Variants in EPHB6 observed in about 807,000 individuals in gnomAD.
EPHB6 encodes the protein ephrin type-B receptor 6.
In EPHB6, 51 loss-of-function variants were observed where a neutral mutation model predicts 107.0. The observed-to-expected ratio is 0.48, with a 90% confidence interval of 0.38 to 0.60. The LOEUF (loss-of-function observed/expected upper bound fraction) is 0.60. Among genes scored for constraint, EPHB6 ranks in the 20% least tolerant of loss-of-function variants. The pLI, the probability that EPHB6 is intolerant of heterozygous loss-of-function variation, is 0.00. For synonymous variants in EPHB6, 553 were observed against 549.0 expected (o/e 1.01, Z -0.10); for missense variants, 1,141 against 1,355.5 (o/e 0.84, Z 2.48).
chr7:142,866,427 G>A lies in EPHB6; in HGVS notation c.1463-54G>A, dbSNP rs1307440364. Reference sequence around the variant, plus strand: ...CCCCTGCCGCCCTCCCCTCAAGGCTGATCCTGCTCCCAGGGACTCCTATCC... The same window carrying A: ...CCCCTGCCGCCCTCCCCTCAAGGCTAATCCTGCTCCCAGGGACTCCTATCC... On this transcript the variant is annotated intron_variant, in intron 9 of 19. Coordinates refer to ENST00000652003, the MANE Select transcript of EPHB6 (RefSeq NM_004445.6). The surrounding 1 kb of genome is among the most constrained non-coding windows in gnomAD (Gnocchi z 5.2). The A allele has an allele frequency of 1.2e-6, 2 of 1,613,088 alleles. No homozygotes were observed. The highest frequency in any genetic ancestry group is 2.2e-5 in the East Asian group (1 of 44,886).
chr7:142,868,901 T>C lies in EPHB6; in HGVS notation c.2287-73T>C. ...ACACCCTCCCGCTCTCATGCTGTTG[T>C]CTGCTATGCAGTATGTTGAGGTCTC... On this transcript the variant is annotated intron_variant, in intron 15 of 19. Transcript: ENST00000652003. The surrounding 1 kb of genome is among the most constrained non-coding windows in gnomAD (Gnocchi z 4.2). The C allele has an allele frequency of 6.3e-7, 1 of 1,577,876 alleles. No individual in the cohort carries two copies. The highest frequency in any genetic ancestry group is 8.6e-7 in the Non-Finnish European group (1 of 1,166,632).
Position 142,870,995 on chromosome 7 carries a change from T to A in EPHB6, c.*91T>A. On this transcript the variant is annotated 3_prime_UTR_variant, in exon 20 of 20. Coordinates refer to ENST00000652003, the MANE Select transcript of EPHB6 (RefSeq NM_004445.6). ...GGGCTCCAACAGCCTCTGTGAGAGA[T>A]GCCCCACACCAAACCCAACCCTCCC... is the stretch of plus-strand genomic sequence containing the variant. 1 of 1,254,638 alleles carries A rather than the reference T, an allele frequency of 8.0e-7. No individual in the cohort carries two copies. Among genetic ancestry groups the A allele is most frequent in the Non-Finnish European group, 1.1e-6 (1 of 894,550 alleles). The allele number at this position is 1,254,638 out of a possible 1,614,324, so 77.7% of individuals were successfully genotyped here.
In EPHB6 at chr7:142,869,264, C is replaced by A; in HGVS notation, c.2460+117C>A. On this transcript the variant is annotated intron_variant, in intron 16 of 19. Coordinates refer to ENST00000652003, the MANE Select transcript of EPHB6 (RefSeq NM_004445.6). The surrounding 1 kb of genome is among the most constrained non-coding windows in gnomAD (Gnocchi z 4.5). ...TACCTCAGCCGGGGTGTCATAGTCC[C>A]TGAAAGGAGGGAGGCTCTCCTGTGT... is the stretch of plus-strand genomic sequence containing the variant. The A allele has an allele frequency of 8.3e-7, 1 of 1,206,792 alleles. No individual in the cohort carries two copies. The highest frequency in any genetic ancestry group is 1.2e-6 in the Non-Finnish European group (1 of 847,702). 74.8% of individuals were successfully genotyped at this position (1,206,792 alleles called of 1,614,324 possible).
chr7:142,859,117 G>C (rs1251523219), intron 1 of EPHB6, among the ~76,000 whole-genome samples: 1 of 145,338 alleles, frequency 6.9e-6, no homozygotes, highest in African/African-American at 2.5e-5. Flanking sequence ...GCACATTCTT[G>C]TGTTAGAGAA....
Position 142,870,956 on chromosome 7 carries a change from G to T in EPHB6, c.*52G>T. ...TGGACACTGGTCCGAGAAGGGACAT[G>T]TGGGACGTGAGCCGGGCTCCAACAG... is the stretch of plus-strand genomic sequence containing the variant. On this transcript the variant is annotated 3_prime_UTR_variant, in exon 20 of 20. Transcript: ENST00000652003. The T allele has an allele frequency of 6.4e-7, 1 of 1,555,846 alleles. No individual in the cohort carries two copies.
chr7:142,863,389 G>GTGGGAAAGATT, intron 5 of EPHB6, 62 bp downstream of exon 5: 1 of 1,515,190 alleles, frequency 6.6e-7, no homozygotes, highest in Non-Finnish European at 9.2e-7. Context: ...AAAGGGGGAA[G>GTGGGAAAGATT]TGGGAAAGAT....
Position 142,869,981 on chromosome 7 carries a change from A to G in EPHB6, c.2610+15A>G. On this transcript the variant is annotated intron_variant, in intron 17 of 19. Transcript: ENST00000652003. This position sits in a 1 kb window ranked among gnomAD's most constrained non-coding sequence, Gnocchi z 4.5. Reference sequence around the variant, plus strand: ...GTGAGCAGGAGGTGAGCACTGACCTAGACACTGCTGATTTCCCACCCCGAT... The same window carrying G: ...GTGAGCAGGAGGTGAGCACTGACCTGGACACTGCTGATTTCCCACCCCGAT... 6.2e-7 allele frequency: 1 copy of G among 1,614,122 alleles called. No homozygotes were observed. The highest frequency in any genetic ancestry group is 8.5e-7 in the Non-Finnish European group (1 of 1,180,014).
rs201746800 is a variant in EPHB6 at position 142,868,779 on chromosome 7, C to T, written c.2286+40C>T. On this transcript the variant is annotated intron_variant, in intron 15 of 19. Transcript: ENST00000652003. This position sits in a 1 kb window ranked among gnomAD's most constrained non-coding sequence, Gnocchi z 4.2. ...GGTGAAGGAGGAGGGTCCTTGGGTC[C>T]AGGAAAGCTTCCAGGAGACGAGGTC... is the stretch of plus-strand genomic sequence containing the variant. 3.1e-6 allele frequency: 5 copies of T among 1,613,532 alleles called. No homozygotes were observed.
Position 142,867,265 on chromosome 7 carries a change from A to G in EPHB6, c.1750+197A>G. The G allele has an allele frequency of 1.5e-6, 1 of 675,650 alleles. No individual in the cohort carries two copies. Among genetic ancestry groups the G allele is most frequent in the South Asian group, 1.9e-5 (1 of 53,562 alleles). The allele number at this position is 675,650 out of a possible 1,614,324, so 41.9% of individuals were successfully genotyped here. A position where few individuals can be genotyped will look rare whatever the true frequency, so the allele number is the denominator to read the frequency against. On this transcript the variant is annotated intron_variant, in intron 11 of 19. Coordinates refer to ENST00000652003, the MANE Select transcript of EPHB6 (RefSeq NM_004445.6). The surrounding 1 kb of genome is among the most constrained non-coding windows in gnomAD (Gnocchi z 5.3). ...TGGGGAATTGTAGGGGTATGTATGC[A>G]TGTTGAGTGTGGATATAGGAGGGCT... is the stretch of plus-strand genomic sequence containing the variant.
rs770607341 is a variant in EPHB6, at chr7:142,870,868, G to T, written c.3033G>T (p.Gln1011His). The T allele has an allele frequency of 6.2e-7, 1 of 1,614,016 alleles. No individual in the cohort carries two copies. Among genetic ancestry groups the T allele is most frequent in the East Asian group, 2.2e-5 (1 of 44,872 alleles). Residue 1011 changes from glutamine (Q) to histidine (H), a missense_variant, in exon 20 of 20, where the codon CAG (glutamine) becomes CAT (histidine). Around this residue, in one of 3 missense-constraint regions of EPHB6, gnomAD observed 616 missense variants for 759.3 expected, o/e 0.81. Transcript: ENST00000652003. Reference protein sequence around the residue: ...KKLLHHIQLLQQHLRQQGSVE... With the variant: ...KKLLHHIQLLHQHLRQQGSVE... The stretch of plus-strand genomic sequence containing the variant: ...TGCTGCACCACATCCAGCTCCTTCA[G>T]CAACACCTGAGGCAGCAGGGCTCAG...
rs1346772225 is a variant in EPHB6 at position 142,862,818 on chromosome 7, G to GAA, written c.-105_-104dup. The GAA allele has an allele frequency of 8.1e-4, 126 of 154,930 alleles. No homozygotes were observed. Among genetic ancestry groups the GAA allele is most frequent in the East Asian group, 2.2e-3 (14 of 6,430 alleles). The allele number at this position is 154,930 out of a possible 1,614,324, so 9.6% of individuals were successfully genotyped here. ...GAAAGAACTGGAATAACCCCTTGCA[G>GAA]AAAAAAAAAAAAAGGGTAAGATTGA... is the stretch of plus-strand genomic sequence containing the variant. On this transcript the variant is annotated 5_prime_UTR_variant, in exon 4 of 20. The change creates a premature stop within an existing upstream ORF in the 5' untranslated region. Transcript: ENST00000652003.
chr7:142,870,366 C>A lies in EPHB6; in HGVS notation c.2763C>A (p.Arg921=). The A allele has an allele frequency of 6.2e-7, 1 of 1,614,194 alleles. No individual in the cohort carries two copies. Among genetic ancestry groups the A allele is most frequent in the Non-Finnish European group, 8.5e-7 (1 of 1,180,034 alleles). ...TGGCTGCATTTGACAAGATGATCCGCAAGCCAGATACCCTGCAGGCTGGCG... is the reference window on the plus strand; with the variant it reads ...TGGCTGCATTTGACAAGATGATCCGAAAGCCAGATACCCTGCAGGCTGGCG... ...QLVAAFDKMI[R]KPDTLQAGGD... Residue 921 remains arginine (R), a synonymous_variant, in exon 18 of 20, where the codon CGC becomes CGA. Transcript: ENST00000652003.
chr7:142,859,144 AGTT>A lies in EPHB6; in HGVS notation c.-431-1907_-431-1905del, dbSNP rs2116383849. On this transcript the variant is annotated intron_variant, in intron 1 of 19. Coordinates refer to ENST00000652003, the MANE Select transcript of EPHB6 (RefSeq NM_004445.6). ...GTTAGAGAATTTCTAAATACTGACCAGTTCCTTTTGTAAGTCAGAGGAGAGAGG... is the reference window on the plus strand; with the variant it reads ...GTTAGAGAATTTCTAAATACTGACCACCTTTTGTAAGTCAGAGGAGAGAGG... Among the ~76,000 whole-genome samples the A allele has an allele frequency of 7.8e-5, 3 of 38,350 alleles. No individual in the cohort carries two copies. In the South Asian group the frequency reaches 3.4e-3, roughly 43 times the overall value. 25.2% of individuals were successfully genotyped at this position (38,350 alleles called of 152,430 possible). A position where few individuals can be genotyped will look rare whatever the true frequency, so the allele number is the denominator to read the frequency against.
chr7:142,866,630 G>A lies in EPHB6; in HGVS notation c.1587+25G>A, dbSNP rs751971627. 1.7e-5 allele frequency: 28 copies of A among 1,613,624 alleles called. No homozygotes were observed. Among genetic ancestry groups the A allele is most frequent in the Admixed American group, 1.2e-4 (7 of 59,992 alleles). On this transcript the variant is annotated intron_variant, in intron 10 of 19. Transcript: ENST00000652003. The surrounding 1 kb of genome is among the most constrained non-coding windows in gnomAD (Gnocchi z 5.2). ...GGTGCGCAGGAGGAGTGGGGGTTCC[G>A]CAGTAGGGCTGGTAGGAGCTCATAG...
rs369313027 is a variant in EPHB6 at position 142,870,803 on chromosome 7, C to A, written c.2968C>A (p.Pro990Thr). Reference sequence around the variant, plus strand: ...CCCTTCCCTCCCCACCAGAGACCTGCCTGCCCTGGGCATCACCCTGGCTGG... The same window carrying A: ...CCCTTCCCTCCCCACCAGAGACCTGACTGCCCTGGGCATCACCCTGGCTGG... ...DVAQLSLEDLPALGITLAGHQ... is the reference protein window; with the variant it reads ...DVAQLSLEDLTALGITLAGHQ... The change falls in exon 20 of 20, where the codon CCT (proline) becomes ACT (threonine). Residue 990 changes from proline to threonine, a missense_variant. Physicochemically the swap from Pro to Thr is conservative, Grantham distance 38 (BLOSUM62 -1). This residue lies in a region of EPHB6 where 616 missense variants were observed against 759.3 expected (regional missense o/e 0.81). Coordinates refer to ENST00000652003, the MANE Select transcript of EPHB6 (RefSeq NM_004445.6). The A allele has an allele frequency of 1.2e-6, 2 of 1,614,062 alleles. No homozygotes were observed. Among genetic ancestry groups the A allele is most frequent in the Non-Finnish European group, 1.7e-6 (2 of 1,180,022 alleles).
chr7:142,867,562 T>A lies in EPHB6; in HGVS notation c.1751-46T>A. On this transcript the variant is annotated intron_variant, in intron 11 of 19. Transcript: ENST00000652003. The surrounding 1 kb of genome is among the most constrained non-coding windows in gnomAD (Gnocchi z 5.3). ...GTGCCTGGGCACATGAACAAGCACC[T>A]GTGAGAGACCTGGCCCACCTGTGAC... The A allele has an allele frequency of 6.5e-7, 1 of 1,535,328 alleles. No individual in the cohort carries two copies. The highest frequency in any genetic ancestry group is 8.9e-7 in the Non-Finnish European group (1 of 1,121,114).
At position 142,867,615 on chromosome 7, in the gene EPHB6, G is replaced by A; in HGVS notation, c.1758G>A (p.Leu586=). 6.2e-7 allele frequency: 1 copy of A among 1,612,214 alleles called. No homozygotes were observed. Among genetic ancestry groups the A allele is most frequent in the Non-Finnish European group, 8.5e-7 (1 of 1,179,628 alleles). ...TGTCGGCTGGTCCCCCAGGGGAGCT[G>A]TCTTCCCAGCTTCCAGAAAGACTCT... ...VYFQTLPQGE[L]SSQLPERLSL... The change falls in exon 12 of 20, where the codon CTG becomes CTA. Residue 586 remains leucine (L), a synonymous_variant. Coordinates refer to ENST00000652003, the MANE Select transcript of EPHB6 (RefSeq NM_004445.6). This position sits in a 1 kb window ranked among gnomAD's most constrained non-coding sequence, Gnocchi z 5.3.
At chr7:142,865,349 T>C (rs964481638) in intron 7 of EPHB6, 126 bp from the exon 8 acceptor site, 1 of 1,269,726 alleles carries the variant, frequency 7.9e-7, no homozygotes, top group Non-Finnish European at 1.1e-6. Context: ...GGTTCAGTCT[T>C]GGAAGAAAAG....
In EPHB6 at chr7:142,866,329, C is replaced by T. The variant is rs1045566341; in HGVS notation, c.1462+13C>T. 2 of 1,613,672 alleles carry T rather than the reference C, an allele frequency of 1.2e-6. No homozygotes were observed. Among genetic ancestry groups the T allele is most frequent in the Non-Finnish European group, 1.7e-6 (2 of 1,179,952 alleles). ...ACCAGCCATGAAGGTGAGCTCTTTT[C>T]CTTGGCCTTCAGGATCCCCTGCCTC... On this transcript the variant is annotated intron_variant, in intron 9 of 19. Transcript: ENST00000652003. The surrounding 1 kb of genome is among the most constrained non-coding windows in gnomAD (Gnocchi z 5.2).
Sources: allele counts gnomAD v4.1 joint callset (sites outside exome capture counted in the v4.1 genomes callset), GRCh38; gene constraint gnomAD v4.1.1; regional missense constraint gnomAD v4.1.1; non-coding constraint Gnocchi (gnomAD v3.1); transcripts MANE v1.5; gene names NCBI Gene and HGNC (gene_info 2026-07-23, HGNC 2026-07-21).